Variants in VPS13C observed in about 807,000 individuals in gnomAD.
VPS13C encodes the protein vacuolar protein sorting 13 homolog C.
A neutral mutation model predicts 456.8 loss-of-function variants in VPS13C; 358 were observed. The ratio of observed to expected loss-of-function variants is 0.78; its 90% CI spans 0.72 to 0.86. The LOEUF (loss-of-function observed/expected upper bound fraction) is 0.86. VPS13C is among the 40% of genes least tolerant of loss of function. VPS13C has a pLI of 0.00. For synonymous variants in VPS13C, 1,578 were observed against 1,486.7 expected, an observed-to-expected ratio of 1.06 and a Z score of -1.41; for missense variants, 4,818 against 4,385.4, an observed-to-expected ratio of 1.10 and a Z score of -2.79.
At chr15:61,949,664 G>A in intron 41 of VPS13C, 59 bp from the exon 42 acceptor site, 1 of 1,516,714 alleles carries the variant, frequency 6.6e-7, no homozygotes, top group Non-Finnish European at 8.9e-7. Flanking sequence ...TTTACATCAG[G>A]GTTCAACAGA....
intron 13 of VPS13C, among the ~76,000 whole-genome samples, chr15:62,009,284 C>G (rs1449262251): frequency 6.6e-6 from 1 of 151,798 alleles, no homozygotes; most frequent in African/African-American, 2.4e-5. Context: ...ATCAACACAG[C>G]AACTCTGTGT....
chr15:61,910,529 T>C (rs1398340703), intron 63 of VPS13C, among the ~76,000 whole-genome samples: 1 of 152,160 alleles, frequency 6.6e-6, no homozygotes, highest in East Asian at 1.9e-4. Flanking sequence ...TCTATATGTA[T>C]TTATGGTATA....
rs1683201875 is a variant in VPS13C, at chr15:61,867,165, T to C, written c.10863+1494A>G. 1 of 984,004 alleles carries C rather than the reference T, an allele frequency of 1.0e-6. No homozygotes were observed. The highest frequency in any genetic ancestry group is 1.2e-6 in the Non-Finnish European group (1 of 828,742). 61.0% of individuals were successfully genotyped at this position (984,004 alleles called of 1,614,324 possible). A position where few individuals can be genotyped will look rare whatever the true frequency, so the allele number is the denominator to read the frequency against. On this transcript the variant is annotated intron_variant, in intron 81 of 84. Transcript: ENST00000644861. This position sits in a 1 kb window ranked among gnomAD's most constrained non-coding sequence, Gnocchi z 5.0. ...AAGTGCCACACAGCAATTTGCCTAA[T>C]TACATGTTCAACTTCTATCTACATT... is the stretch of plus-strand genomic sequence containing the variant.
chr15:61,924,981 A>G (rs965685840), intron 53 of VPS13C, among the ~76,000 whole-genome samples: 1 of 152,212 alleles, frequency 6.6e-6, no homozygotes, highest in Non-Finnish European at 1.5e-5. Context: ...AGTGAATAAA[A>G]CAGTAAACTC....
chr15:61,861,111 G>A (rs773542839), intron 82 of VPS13C, among the ~76,000 whole-genome samples: 1 of 151,706 alleles, frequency 6.6e-6, no homozygotes, highest in East Asian at 1.9e-4. Context: ...ACAGGCATGC[G>A]CCACAAAGTC....
intron 58 of VPS13C, among the ~76,000 whole-genome samples, chr15:61,918,736 T>C (rs2043552687): frequency 1.3e-5 from 2 of 152,088 alleles, no homozygotes. Context: ...TTGTATCTGA[T>C]GTTACAGGTA....
At chr15:61,944,631 C>T (rs149016008) in intron 45 of VPS13C, among the ~76,000 whole-genome samples, 1 of 152,122 alleles carries the variant, frequency 6.6e-6, no homozygotes, top group Non-Finnish European at 1.5e-5. Context: ...CTGCGGACTA[C>T]TACAGAGAGG....
chr15:62,055,502 A>G (rs1322498112), intron 1 of VPS13C, among the ~76,000 whole-genome samples: 1 of 151,372 alleles, frequency 6.6e-6, no homozygotes, highest in African/African-American at 2.4e-5. Context: ...CGGCCTCCCA[A>G]AGTGCTGGGA....
chr15:61,945,185 G>T (rs186205921), intron 45 of VPS13C, among the ~76,000 whole-genome samples: 151 of 152,330 alleles, frequency 9.9e-4, no homozygotes, highest in African/African-American at 3.0e-3. Context: ...GCGGAATGGT[G>T]AGTGCATTAA....
rs148828939 is a variant in VPS13C at position 62,028,340 on chromosome 15, T to C, written c.448+18A>G. ...AATATGTTTATATAGTTGAATATAA[T>C]TAACCATGCATACCCACCAGGCTTG... On this transcript the variant is annotated intron_variant, in intron 6 of 84. Coordinates refer to ENST00000644861, the MANE Select transcript of VPS13C (RefSeq NM_020821.3). 904 of 1,612,256 alleles carry C rather than the reference T, an allele frequency of 5.6e-4. 1 individual carries two copies. In the African/African-American group the frequency reaches 7.5e-3, roughly 13 times the overall value.
At chr15:61,977,395 T>C (rs1280024239) in intron 23 of VPS13C, among the ~76,000 whole-genome samples, 196 bp from the exon 24 acceptor site, 2 of 152,050 alleles carry the variant, frequency 1.3e-5, no homozygotes, top group African/African-American at 4.8e-5. Context: ...GCTTTTTAAA[T>C]ACAGACTGAC....
rs890593607 is a variant in VPS13C at position 61,911,958 on chromosome 15, A to T, written c.8597T>A (p.Val2866Asp). The T allele has an allele frequency of 9.9e-6, 16 of 1,611,524 alleles. No homozygotes were observed. Among genetic ancestry groups the T allele is most frequent in the African/African-American group, 1.3e-5 (1 of 74,898 alleles). Reference sequence around the variant, plus strand: ...AATGGTACAAAAGGGAGTCAGGGTAACTATTCGTGAAAGGTTGAAACTGCT... The same window carrying T: ...AATGGTACAAAAGGGAGTCAGGGTATCTATTCGTGAAAGGTTGAAACTGCT... ...KMSSFNLSRIVTLTPFCTIAN... is the reference protein window; with the variant it reads ...KMSSFNLSRIDTLTPFCTIAN... The change falls in exon 63 of 85, where the codon GTT becomes GAT. Residue 2866 changes from valine (V) to aspartate (D), a missense_variant. By Grantham distance (152) the Val-to-Asp change is radical. This residue lies in a region of VPS13C where 4,552 missense variants were observed against 4,130.6 expected (regional missense o/e 1.10). Coordinates refer to ENST00000644861, the MANE Select transcript of VPS13C (RefSeq NM_020821.3).
At chr15:61,987,709 C>G (rs374675506) in intron 18 of VPS13C, among the ~76,000 whole-genome samples, 1 of 152,158 alleles carries the variant, frequency 6.6e-6, no homozygotes, top group Admixed American at 6.5e-5. Flanking sequence ...ATATCAAATC[C>G]GCTAAAATGG....
intron 49 of VPS13C, among the ~76,000 whole-genome samples, chr15:61,931,639 G>A (rs544336521): frequency 1.4e-4 from 21 of 149,560 alleles, no homozygotes; most frequent in Non-Finnish European, 2.2e-4. Flanking sequence ...GTGCAGTGGC[G>A]CGATCTCGGC....
At chr15:62,005,100 T>G (rs1219346021) in intron 15 of VPS13C, among the ~76,000 whole-genome samples, 2 of 152,134 alleles carry the variant, frequency 1.3e-5, no homozygotes, top group Admixed American at 1.3e-4. Flanking sequence ...CTCGTTGATC[T>G]GTCTAATGTT....
chr15:61,958,773 T>A, intron 36 of VPS13C, 57 bp from the exon 37 acceptor site: 1 of 934,272 alleles, frequency 1.1e-6, no homozygotes, highest in Non-Finnish European at 1.5e-6. Flanking sequence ...GAAACAATTT[T>A]AATACAGAAA....
chr15:62,006,543 T>C (rs1013415179), intron 15 of VPS13C, among the ~76,000 whole-genome samples: 142 of 152,282 alleles, frequency 9.3e-4, no homozygotes, highest in African/African-American at 3.3e-3. Context: ...TTTGCTATTG[T>C]GAATAGTGCC....
chr15:61,936,787 A>C, intron 47 of VPS13C, 37 bp from the exon 48 acceptor site: 3 of 1,531,420 alleles, frequency 2.0e-6, no homozygotes, highest in Non-Finnish European at 2.6e-6. Context: ...TCTAAGTAAT[A>C]AAAAAAATGT....
In VPS13C at chr15:61,957,670, C is replaced by G. The variant is rs35710673; in HGVS notation, c.4165+938G>C. 5.9e-3 allele frequency among the ~76,000 whole-genome samples: 903 copies of G among 152,014 alleles called. 2 individuals are homozygous for G. Among genetic ancestry groups the G allele is most frequent in the Non-Finnish European group, 9.5e-3 (643 of 67,962 alleles). Reference sequence around the variant, plus strand: ...TTAGTCTATCGAAATTATTTGCTGACCTAATTGTCAATTAGATTTACATAT... The same window carrying G: ...TTAGTCTATCGAAATTATTTGCTGAGCTAATTGTCAATTAGATTTACATAT... On this transcript the variant is annotated intron_variant, in intron 37 of 84. Transcript: ENST00000644861.
Sources: allele counts gnomAD v4.1 joint callset (sites outside exome capture counted in the v4.1 genomes callset), GRCh38; gene constraint gnomAD v4.1.1; regional missense constraint gnomAD v4.1.1; non-coding constraint Gnocchi (gnomAD v3.1); transcripts MANE v1.5; gene names NCBI Gene and HGNC (gene_info 2026-07-23, HGNC 2026-07-21).